Variants in ZPLD1 observed in about 807,000 individuals in gnomAD.
ZPLD1 encodes zona pellucida like domain containing 1.
Under a neutral mutation model 47.2 loss-of-function variants are expected in ZPLD1, and 34 were observed. The observed-to-expected ratio is 0.72, with a 90% CI of 0.55 to 0.96. The LOEUF (loss-of-function observed/expected upper bound fraction) is 0.96, where lower values mean the gene tolerates loss of function less well. Ranked by LOEUF, ZPLD1 falls within the 40% of genes least tolerant of loss-of-function variation. The pLI is 0.00. For synonymous variants in ZPLD1, 176 were observed against 186.2 expected (o/e 0.95, Z 0.45); for missense variants, 512 against 505.8 (o/e 1.01, Z -0.12).
rs138641254 is a variant in ZPLD1 at position 102,478,482 on chromosome 3, A to AGAACATTATCATCAGCTCCTAAGCATACT, written c.*865_*866insAACATTATCATCAGCTCCTAAGCATACTG. On this transcript the variant is annotated 3_prime_UTR_variant, in exon 12 of 12. Transcript: ENST00000466937. Reference sequence around the variant, plus strand: ...GAAAACAAGCTGTAGTTGTGAAAAGAGTTCCTAGAAGGGTTTTTAACAATT... The same window carrying AGAACATTATCATCAGCTCCTAAGCATACT: ...GAAAACAAGCTGTAGTTGTGAAAAGAGAACATTATCATCAGCTCCTAAGCATACTGTTCCTAGAAGGGTTTTTAACAATT... The AGAACATTATCATCAGCTCCTAAGCATACT allele has an allele frequency of 6.6e-6, 1 of 151,700 alleles. No homozygotes were observed. The highest frequency in any genetic ancestry group is 1.5e-5 in the Non-Finnish European group (1 of 67,846). The allele number at this position is 151,700 out of a possible 1,614,324, so 9.4% of individuals were successfully genotyped here.
chr3:102,417,626 G>A (rs557853981), intron 7 of ZPLD1, among the ~76,000 whole-genome samples: 4 of 151,998 alleles, frequency 2.6e-5, no homozygotes, highest in Admixed American at 1.3e-4. Flanking sequence ...AATCAAACAA[G>A]TTTTCACGGT....
At chr3:102,451,040 T>G (rs1707329793) in intron 3 of ZPLD1, among the ~76,000 whole-genome samples, 1 of 152,206 alleles carries the variant, frequency 6.6e-6, no homozygotes, top group Non-Finnish European at 1.5e-5. Flanking sequence ...CTATAACACC[T>G]AGCCGTTTGC....
At chr3:102,434,214 G>A (rs1027906399), upstream of ZPLD1, among the ~76,000 whole-genome samples, 3 of 152,044 alleles carry the variant, frequency 2.0e-5, no homozygotes, top group Non-Finnish European at 4.4e-5. Flanking sequence ...GGTACATACA[G>A]TAACAGATCT....
intron 9 of ZPLD1, among the ~76,000 whole-genome samples, chr3:102,469,493 G>A (rs1007407199): frequency 6.6e-6 from 1 of 152,218 alleles, no homozygotes. Context: ...TGAAGCAGGA[G>A]AGGTTGAGAG....
intron 7 of ZPLD1, among the ~76,000 whole-genome samples, chr3:102,398,437 G>C (rs1706581238): frequency 1.3e-5 from 2 of 152,116 alleles, no homozygotes; most frequent in Admixed American, 1.3e-4. Context: ...TTCTTTGTCT[G>C]TCAAGGGTGA....
intron 7 of ZPLD1, among the ~76,000 whole-genome samples, chr3:102,409,183 A>G (rs1706723970): frequency 6.6e-6 from 1 of 151,836 alleles, no homozygotes; most frequent in Non-Finnish European, 1.5e-5. Flanking sequence ...AAGGACAATC[A>G]CATGGTGAGG....
At chr3:102,418,706 A>T (rs1356025566) in intron 8 of ZPLD1, among the ~76,000 whole-genome samples, 1 of 152,050 alleles carries the variant, frequency 6.6e-6, no homozygotes, top group African/African-American at 2.4e-5. Flanking sequence ...CTATTGCACC[A>T]GAGAAGCTGG....
chr3:102,438,318 T>C (rs1255446331), intron 2 of ZPLD1, among the ~76,000 whole-genome samples, 162 bp from the exon 3 acceptor site: 2 of 152,196 alleles, frequency 1.3e-5, no homozygotes, highest in Non-Finnish European at 2.9e-5. Context: ...AACCCAAATA[T>C]CTGCCTTTAC....
At chr3:102,408,139 C>T (rs924364399) in intron 7 of ZPLD1, among the ~76,000 whole-genome samples, 1 of 151,736 alleles carries the variant, frequency 6.6e-6, no homozygotes, top group Non-Finnish European at 1.5e-5. Context: ...CATCGATGTC[C>T]CAGATGCCCT....
intron 7 of ZPLD1, among the ~76,000 whole-genome samples, chr3:102,415,131 A>G (rs925884110): frequency 2.0e-5 from 3 of 151,826 alleles, no homozygotes; most frequent in Admixed American, 1.3e-4. Flanking sequence ...CTACAATGCT[A>G]TGTGGCCTGA....
At chr3:102,430,122 C>T (rs1706999871), upstream of ZPLD1, among the ~76,000 whole-genome samples, 1 of 152,178 alleles carries the variant, frequency 6.6e-6, no homozygotes, top group Non-Finnish European at 1.5e-5. Flanking sequence ...AGGGAGACAA[C>T]TTCTGGCCCT....
chr3:102,420,585 G>T (rs1268666676), intron 8 of ZPLD1, among the ~76,000 whole-genome samples: 1 of 151,616 alleles, frequency 6.6e-6, no homozygotes, highest in Non-Finnish European at 1.5e-5. Context: ...CACTTTTCAC[G>T]CAAGGTTATT....
intron 8 of ZPLD1, among the ~76,000 whole-genome samples, chr3:102,423,784 G>A (rs1357253843): frequency 1.3e-5 from 2 of 152,068 alleles, no homozygotes; most frequent in African/African-American, 4.8e-5. Flanking sequence ...ATGGTGGCAT[G>A]CATAGTCTTA....
At chr3:102,415,975 C>A (rs1036649887) in intron 7 of ZPLD1, among the ~76,000 whole-genome samples, 1 of 151,884 alleles carries the variant, frequency 6.6e-6, no homozygotes, top group African/African-American at 2.4e-5. Flanking sequence ...CAGCTTTCCA[C>A]TTCTGGTGCT....
intron 3 of ZPLD1, among the ~76,000 whole-genome samples, chr3:102,447,960 C>T (rs1707282831): frequency 6.6e-6 from 1 of 152,018 alleles, no homozygotes; most frequent in Admixed American, 6.6e-5. Context: ...ATTCTATGAA[C>T]CTCAAATCAG....
chr3:102,387,538 T>C (rs1706436980), intron 6 of ZPLD1, among the ~76,000 whole-genome samples: 1 of 152,148 alleles, frequency 6.6e-6, no homozygotes, highest in Non-Finnish European at 1.5e-5. Context: ...CTCTTAACAA[T>C]CAGGACTGGC....
chr3:102,441,583 C>G (rs530205739), intron 3 of ZPLD1, among the ~76,000 whole-genome samples: 1 of 152,102 alleles, frequency 6.6e-6, no homozygotes, highest in Non-Finnish European at 1.5e-5. Flanking sequence ...TTCTCCCAAC[C>G]TAGAAATCCT....
intron 7 of ZPLD1, among the ~76,000 whole-genome samples, chr3:102,401,919 T>C (rs904444968): frequency 6.6e-5 from 10 of 152,098 alleles, no homozygotes; most frequent in African/African-American, 1.9e-4. Flanking sequence ...TAGGTTTCAA[T>C]GGTTAGATCT....
At position 102,436,988 on chromosome 3, in the gene ZPLD1, G is replaced by A. The variant is rs1422480889; in HGVS notation, c.-9+15G>A. 4.4e-5 allele frequency: 42 copies of A among 957,204 alleles called. No homozygotes were observed. The highest frequency in any genetic ancestry group is 4.6e-5 in the Non-Finnish European group (37 of 804,112). 59.3% of individuals were successfully genotyped at this position (957,204 alleles called of 1,614,324 possible). On this transcript the variant is annotated intron_variant, in intron 2 of 11. Coordinates refer to ENST00000466937, the MANE Select transcript of ZPLD1 (RefSeq NM_001329788.2). ...ATGGAATAAATGTGGGTGCAGTGGA[G>A]TGTATTGCTTATTCAGGCTTCTTTC...
Sources: allele counts gnomAD v4.1 joint callset (sites outside exome capture counted in the v4.1 genomes callset), GRCh38; gene constraint gnomAD v4.1.1; transcripts MANE v1.5; gene names NCBI Gene and HGNC (gene_info 2026-07-23, HGNC 2026-07-21).